The following SHISA9 variants were observed in gnomAD, a reference collection of about 807,000 sequenced individuals.
SHISA9 encodes shisa family member 9.
A neutral mutation model predicts 38.0 loss-of-function variants in SHISA9; 13 were observed. The ratio of observed to expected loss-of-function variants is 0.34; its 90% confidence interval spans 0.22 to 0.54. The LOEUF (loss-of-function observed/expected upper bound fraction) is 0.54, where lower values mean the gene tolerates loss of function less well. SHISA9 is among the 20% of genes least tolerant of loss of function. The pLI is 0.91. For missense variants in SHISA9, 538 were observed against 575.8 expected, an observed-to-expected ratio of 0.93 and a Z score of 0.67; for synonymous variants, 275 against 242.0, an observed-to-expected ratio of 1.14 and a Z score of -1.27.
chr16:13,542,700 C>G, the SHISA9 span, among the ~76,000 whole-genome samples: 11 of 152,328 alleles, frequency 7.2e-5, no homozygotes, highest in South Asian at 2.3e-3. Flanking sequence ...CCTCTTTGGA[C>G]TACAAGTGGT....
the SHISA9 span, among the ~76,000 whole-genome samples, chr16:13,306,286 G>A: frequency 6.6e-6 from 1 of 152,164 alleles, no homozygotes; most frequent in Non-Finnish European, 1.5e-5. Flanking sequence ...GGATTTTGTT[G>A]TTGTTGTTCA....
chr16:13,282,970 G>A, the SHISA9 span, among the ~76,000 whole-genome samples: 2 of 152,100 alleles, frequency 1.3e-5, no homozygotes, highest in South Asian at 4.1e-4. Context: ...TGTCTGCTTA[G>A]CGTCATGCTT....
chr16:13,245,899 T>C, the SHISA9 span, among the ~76,000 whole-genome samples: 1 of 152,154 alleles, frequency 6.6e-6, no homozygotes, highest in African/African-American at 2.4e-5. Flanking sequence ...CTGGCGCCTG[T>C]TTATTTAAGG....
the SHISA9 span, among the ~76,000 whole-genome samples, chr16:13,389,788 C>G: frequency 6.6e-6 from 1 of 152,196 alleles, no homozygotes; most frequent in Non-Finnish European, 1.5e-5. Context: ...AACTGATTTG[C>G]TGTGGAGGCT....
the SHISA9 span, among the ~76,000 whole-genome samples, chr16:13,550,036 AT>A: frequency 6.6e-6 from 1 of 151,162 alleles, no homozygotes; most frequent in African/African-American, 2.4e-5. Context: ...AAAAAAAAAA[AT>A]AAAGTATATA....
rs117409403 is a variant in SHISA9, at chr16:13,172,066, C to T, written c.692-31328C>T. On this transcript the variant is annotated intron_variant, in intron 2 of 4. Coordinates refer to ENST00000558583, the MANE Select transcript of SHISA9 (RefSeq NM_001145204.3). ...TTTCTCTCCTTCCCTTCCTTTCCCCCCTTTCCCTCCTTCCCTCCTCTCTTC... is the reference window on the plus strand; with the variant it reads ...TTTCTCTCCTTCCCTTCCTTTCCCCTCTTTCCCTCCTTCCCTCCTCTCTTC... Among the ~76,000 whole-genome samples, 1,356 of 152,146 alleles carry T rather than the reference C, an allele frequency of 8.9e-3. 11 individuals are homozygous for T. Among genetic ancestry groups the T allele is most frequent in the Non-Finnish European group, 0.011 (715 of 67,992 alleles).
At chr16:13,155,950 G>A (rs1281408207) in intron 2 of SHISA9, among the ~76,000 whole-genome samples, 4 of 152,180 alleles carry the variant, frequency 2.6e-5, no homozygotes, top group Non-Finnish European at 5.9e-5. Context: ...TGTAAAAAAT[G>A]TGTTTGCGGG....
chr16:13,424,683 C>T, the SHISA9 span, among the ~76,000 whole-genome samples: 3 of 152,200 alleles, frequency 2.0e-5, no homozygotes, highest in Non-Finnish European at 4.4e-5. Context: ...CATAATGTCT[C>T]TGTTGCAGCT....
the SHISA9 span, among the ~76,000 whole-genome samples, chr16:13,276,401 T>C: frequency 6.6e-6 from 1 of 152,078 alleles, no homozygotes; most frequent in Admixed American, 6.6e-5. Flanking sequence ...CTTTTTCGTA[T>C]AATGACTTCT....
the SHISA9 span, among the ~76,000 whole-genome samples, chr16:13,254,843 T>C: frequency 5.3e-5 from 8 of 152,334 alleles, no homozygotes; most frequent in African/African-American, 1.9e-4. Context: ...AGGAGCCTTG[T>C]TGAGCAGGTG....
the SHISA9 span, among the ~76,000 whole-genome samples, chr16:13,307,893 G>T: frequency 6.6e-6 from 1 of 152,200 alleles, no homozygotes; most frequent in Non-Finnish European, 1.5e-5. Context: ...ATGATTAGGT[G>T]AGGATGATTA....
At chr16:13,153,923 T>G (rs1402835650) in intron 2 of SHISA9, among the ~76,000 whole-genome samples, 1 of 130,130 alleles carries the variant, frequency 7.7e-6, no homozygotes. Flanking sequence ...AAGCTCCTGT[T>G]GCAAATAGAG....
At chr16:13,510,193 A>G in the SHISA9 span, among the ~76,000 whole-genome samples, 1 of 152,152 alleles carries the variant, frequency 6.6e-6, no homozygotes, top group Non-Finnish European at 1.5e-5. Context: ...CTGTAATCCC[A>G]GCTACACGGG....
chr16:13,518,590 C>T, the SHISA9 span, among the ~76,000 whole-genome samples: 8,419 of 152,192 alleles, frequency 0.055, 514 homozygotes, highest in African/African-American at 0.15. Context: ...CCTTCCCAAC[C>T]CACCTGAAAT....
At chr16:13,393,781 G>A in the SHISA9 span, among the ~76,000 whole-genome samples, 1 of 152,182 alleles carries the variant, frequency 6.6e-6, no homozygotes, top group Non-Finnish European at 1.5e-5. Context: ...TTGAAGGCTT[G>A]AAGGTGGCTG....
At chr16:13,114,606 A>G (rs2074012788) in intron 2 of SHISA9, among the ~76,000 whole-genome samples, 2 of 152,144 alleles carry the variant, frequency 1.3e-5, no homozygotes, top group South Asian at 4.1e-4. Context: ...GCTTTAACAT[A>G]AGAATGAATA....
At chr16:12,992,824 A>G (rs1022302714) in intron 2 of SHISA9, among the ~76,000 whole-genome samples, 5 of 152,222 alleles carry the variant, frequency 3.3e-5, no homozygotes, top group Non-Finnish European at 7.3e-5. Flanking sequence ...GGTAACATTT[A>G]CTGAATGCAT....
At chr16:13,151,436 C>G (rs952284895) in intron 2 of SHISA9, among the ~76,000 whole-genome samples, 2 of 152,146 alleles carry the variant, frequency 1.3e-5, no homozygotes, top group African/African-American at 4.8e-5. Flanking sequence ...CACAACCTCT[C>G]TCAATGTGGC....
At chr16:13,483,570 G>C in the SHISA9 span, among the ~76,000 whole-genome samples, 1 of 151,954 alleles carries the variant, frequency 6.6e-6, no homozygotes, top group Non-Finnish European at 1.5e-5. Context: ...TAGAATGTCA[G>C]GTGTGCCAGG....
Sources: gnomAD v4.1 joint callset for allele counts (sites outside exome capture counted in the v4.1 genomes callset) on GRCh38, gnomAD v4.1.1 for gene constraint, MANE v1.5 for transcripts, NCBI Gene and HGNC (gene_info 2026-07-23, HGNC 2026-07-21) for gene names.